The following MDN1 variants were observed in gnomAD, a reference collection of about 807,000 sequenced individuals.
MDN1 encodes the protein midasin AAA ATPase 1.
Under a neutral mutation model 669.2 loss-of-function variants are expected in MDN1, and 266 were observed. The ratio of observed to expected loss-of-function variants is 0.40; its 90% CI spans 0.36 to 0.44. The LOEUF is 0.44. Among genes scored for constraint, MDN1 ranks in the 20% least tolerant of loss-of-function variants. MDN1 has a pLI of 1.00. For synonymous variants in MDN1, 2,385 were observed against 2,457.1 expected, an observed-to-expected ratio of 0.97 and a Z score of 0.87; for missense variants, 5,940 against 6,754.0, an observed-to-expected ratio of 0.88 and a Z score of 4.22.
chr6:89,670,906 G>T lies in MDN1; in HGVS notation c.13956+13C>A. Reference sequence around the variant, plus strand: ...CCCTGCTGCTCACAGTGCACCATGTGAACAGTCCTTACCTTCTGGGCAAGC... The same window carrying T: ...CCCTGCTGCTCACAGTGCACCATGTTAACAGTCCTTACCTTCTGGGCAAGC... On this transcript the variant is annotated intron_variant, in intron 83 of 101. Transcript: ENST00000369393. 6.2e-7 allele frequency: 1 copy of T among 1,613,214 alleles called. No homozygotes were observed. The highest frequency in any genetic ancestry group is 1.1e-5 in the South Asian group (1 of 90,974).
intron 70 of MDN1, 90 bp from the exon 71 acceptor site, chr6:89,685,075 T>A: frequency 1.3e-6 from 1 of 758,902 alleles, no homozygotes; most frequent in Non-Finnish European, 2.2e-6. Flanking sequence ...GTGATGACCC[T>A]TCCTCATTAC....
rs770355653 is a variant in MDN1, at chr6:89,670,945, G to C, written c.13930C>G (p.Gln4644Glu). The C allele has an allele frequency of 1.7e-5, 27 of 1,614,138 alleles. No homozygotes were observed. Among genetic ancestry groups the C allele is most frequent in the Non-Finnish European group, 2.1e-5 (25 of 1,180,014 alleles). ...STAKLLSVLA[Q>E]VFTELAQKGF... ...TTCTGGGCAAGCTCTGTAAAGACCT[G>C]GGCAAGCACAGAGAGCAGCTTTGCA... The change falls in exon 83 of 102, where the codon CAG becomes GAG. Residue 4644 changes from glutamine (Q) to glutamate (E), a missense_variant. Around this residue, in one of 5 missense-constraint regions of MDN1, gnomAD observed 2,280 missense variants for 2,576.3 expected, o/e 0.88. Coordinates refer to ENST00000369393, the MANE Select transcript of MDN1 (RefSeq NM_014611.3).
chr6:89,694,338 C>T (rs1180642770), intron 61 of MDN1, among the ~76,000 whole-genome samples, 155 bp from the exon 62 acceptor site: 2 of 152,234 alleles, frequency 1.3e-5, no homozygotes, highest in Non-Finnish European at 1.5e-5. Flanking sequence ...ATCTACACCA[C>T]TCACATCAGA....
At chr6:89,724,480 G>A (rs953985483) in intron 38 of MDN1, among the ~76,000 whole-genome samples, 4 of 152,028 alleles carry the variant, frequency 2.6e-5, no homozygotes, top group African/African-American at 4.8e-5. Flanking sequence ...ACGGGGTTTC[G>A]CCATATTGGC....
At chr6:89,789,985 T>A in intron 6 of MDN1, 74 bp from the exon 7 acceptor site, 1 of 1,590,436 alleles carries the variant, frequency 6.3e-7, no homozygotes, top group Non-Finnish European at 8.6e-7. Context: ...TGATTAACTG[T>A]TAATCTTCTA....
chr6:89,733,183 G>T (rs535839513), intron 33 of MDN1, among the ~76,000 whole-genome samples: 2 of 151,800 alleles, frequency 1.3e-5, no homozygotes, highest in East Asian at 3.9e-4. Context: ...TCCATTTAAT[G>T]CAATAAAGAA....
chr6:89,750,012 G>A (rs187728263), intron 24 of MDN1, among the ~76,000 whole-genome samples: 34 of 152,292 alleles, frequency 2.2e-4, no homozygotes, highest in Admixed American at 6.5e-4. Context: ...TTCCCCTGCA[G>A]TCTAATTTCA....
chr6:89,644,278 CT>C, intron 101 of MDN1, 85 bp from the exon 102 acceptor site: 7 of 1,116,866 alleles, frequency 6.3e-6, no homozygotes, highest in Non-Finnish European at 8.9e-6. Flanking sequence ...CTTTTGCTAA[CT>C]TTTACATCTC....
Position 89,787,878 on chromosome 6 carries a change from C to A in MDN1, c.1310G>T (p.Gly437Val). The A allele has an allele frequency of 1.2e-6, 2 of 1,613,378 alleles. No homozygotes were observed. Among genetic ancestry groups the A allele is most frequent in the Non-Finnish European group, 1.7e-6 (2 of 1,179,964 alleles). The change falls in exon 8 of 102, where the codon GGA becomes GTA. Residue 437 changes from glycine (G) to valine (V), a missense_variant. Physicochemically the swap from Gly to Val is moderately radical, Grantham distance 109. Coordinates refer to ENST00000369393, the MANE Select transcript of MDN1 (RefSeq NM_014611.3). ...CCTCCTGGTTGCAAAAAACTGAAAT[C>A]CAGGTGCCACTTTCAGACAGTCACC... ...GRGDCLKVAP[G>V]FQFFATRRLL...
In MDN1 at chr6:89,712,588, T is replaced by C. The variant is rs1054893157; in HGVS notation, c.7417A>G (p.Ser2473Gly). 2 of 1,614,084 alleles carry C rather than the reference T, an allele frequency of 1.2e-6. No homozygotes were observed. Among genetic ancestry groups the C allele is most frequent in the Non-Finnish European group, 8.5e-7 (1 of 1,179,980 alleles). The change falls in exon 48 of 102, where the codon AGC becomes GGC. Residue 2473 changes from serine (S) to glycine (G), a missense_variant. Ser to Gly is a moderately conservative substitution (Grantham distance 56, BLOSUM62 0). This residue lies in a region of MDN1 where 2,292 missense variants were observed against 2,638.3 expected (regional missense o/e 0.87). Coordinates refer to ENST00000369393, the MANE Select transcript of MDN1 (RefSeq NM_014611.3). ...YCLNRMSMKT[S>G]SWTRSQPFTL... is the part of the protein sequence containing the mutation. ...GGCTCCACTGACCTTGTCCAGCTGC[T>C]GGTTTTCATGCTCATCCTGTTGAGA...
intron 65 of MDN1, 140 bp from the exon 66 acceptor site, chr6:89,688,948 T>C (rs564652496): frequency 2.0e-4 from 136 of 671,198 alleles, no homozygotes; most frequent in Middle Eastern, 3.3e-4. Flanking sequence ...GGCAGGCAGA[T>C]TGCTTGAGGC....
intron 36 of MDN1, 86 bp downstream of exon 36, chr6:89,728,845 A>C (rs1031748757): frequency 3.7e-6 from 5 of 1,352,538 alleles, no homozygotes; most frequent in Non-Finnish European, 5.1e-6. Context: ...CTGATAATGT[A>C]ATCATTTCTG....
intron 17 of MDN1, 127 bp downstream of exon 17, chr6:89,761,518 G>A (rs1584331981): frequency 1.8e-6 from 1 of 552,164 alleles, no homozygotes; most frequent in Non-Finnish European, 3.1e-6. Flanking sequence ...TACCATGAAG[G>A]ACACTTTTCA....
chr6:89,795,339 G>A (rs1819525205), intron 2 of MDN1, among the ~76,000 whole-genome samples: 2 of 152,132 alleles, frequency 1.3e-5, no homozygotes, highest in African/African-American at 4.8e-5. Context: ...ATACACACAC[G>A]AGTCAACTGA....
At chr6:89,651,324 CAAAAAAAAAAAAA>C (rs57142164) in intron 95 of MDN1, among the ~76,000 whole-genome samples, 2 of 94,656 alleles carry the variant, frequency 2.1e-5, no homozygotes, top group African/African-American at 8.6e-5. Context: ...GATTCCGTCT[CAAAAAAAAAAAAA>C]AAAAAAAGAA....
chr6:89,673,128 G>T, intron 80 of MDN1, 108 bp downstream of exon 80: 1 of 974,870 alleles, frequency 1.0e-6, no homozygotes, highest in Non-Finnish European at 1.6e-6. Context: ...CCCTGGACAG[G>T]TACATGTAGA....
rs369374355 is a variant in MDN1 at position 89,751,417 on chromosome 6, A to T, written c.3227+14T>A. 2 of 1,613,938 alleles carry T rather than the reference A, an allele frequency of 1.2e-6. No homozygotes were observed. The highest frequency in any genetic ancestry group is 1.7e-6 in the Non-Finnish European group (2 of 1,179,978). On this transcript the variant is annotated intron_variant, in intron 23 of 101. Transcript: ENST00000369393. ...TGTATCAAGTTCGGGGCAGCGAGAA[A>T]AAAGCCCACACACCCTGCAGAGACA...
chr6:89,819,709 C>T lies in MDN1; in HGVS notation c.-102G>A. On this transcript the variant is annotated 5_prime_UTR_variant, in exon 1 of 102. Coordinates refer to ENST00000369393, the MANE Select transcript of MDN1 (RefSeq NM_014611.3). ...AGTGCCCGAGCAGCCAGCAACTACG[C>T]CCGCAGGAAAGGCGTCCTCAGCTCC... 1 of 944,834 alleles carries T rather than the reference C, an allele frequency of 1.1e-6. No homozygotes were observed. The highest frequency in any genetic ancestry group is 1.7e-6 in the Non-Finnish European group (1 of 597,510). The allele number at this position is 944,834 out of a possible 1,614,324, so 58.5% of individuals were successfully genotyped here.
chr6:89,739,743 G>A (rs779260086), intron 32 of MDN1, among the ~76,000 whole-genome samples: 2 of 152,174 alleles, frequency 1.3e-5, no homozygotes, highest in African/African-American at 2.4e-5. Flanking sequence ...GTCAGAAAGT[G>A]ACACACATAA....
Sources: gnomAD v4.1 joint callset for allele counts (sites outside exome capture counted in the v4.1 genomes callset) on GRCh38, gnomAD v4.1.1 for gene constraint, gnomAD v4.1.1 regional missense constraint, MANE v1.5 for transcripts, NCBI Gene and HGNC (gene_info 2026-07-23, HGNC 2026-07-21) for gene names.